The following DRAM2 variants were observed in gnomAD, a reference collection of about 807,000 sequenced individuals.
DRAM2 encodes the protein DNA damage regulated autophagy modulator 2.
DRAM2 carries 26 observed loss-of-function variants against 33.5 expected under a neutral mutation model. The observed-to-expected ratio is 0.78, with a 90% confidence interval of 0.57 to 1.08. The LOEUF is 1.08. Among genes scored for constraint, DRAM2 ranks in the 50% least tolerant of loss-of-function variants. The probability of loss-of-function intolerance (pLI) is 0.00; values close to 1 mark genes in which losing one functional copy is unlikely to be tolerated. For synonymous variants in DRAM2, 98 were observed against 109.5 expected, an observed-to-expected ratio of 0.89 and a Z score of 0.66; for missense variants, 311 against 318.1, an observed-to-expected ratio of 0.98 and a Z score of 0.17.
chr1:111,136,590 C>CA lies in DRAM2; in HGVS notation c.-15+932dup, dbSNP rs200650993. Among the ~76,000 whole-genome samples the CA allele has an allele frequency of 6.2e-3, 920 of 147,976 alleles. 4 individuals carry two copies. The highest frequency in any genetic ancestry group is 9.2e-3 in the Non-Finnish European group (614 of 66,756). On this transcript the variant is annotated intron_variant, in intron 3 of 9. Transcript: ENST00000484310. Reference sequence around the variant, plus strand: ...ACAGAGCAAGACTCCATCTCAAAAACAAAAAAACAAAAAAAAACAAAGAAA... The same window carrying CA: ...ACAGAGCAAGACTCCATCTCAAAAACAAAAAAAACAAAAAAAAACAAAGAAA...
At chr1:111,122,028 T>C (rs1449098749) in intron 6 of DRAM2, among the ~76,000 whole-genome samples, 2 of 152,068 alleles carry the variant, frequency 1.3e-5, no homozygotes, top group Non-Finnish European at 2.9e-5. Context: ...ATATATATAA[T>C]GGAGATATTA....
chr1:111,134,419 T>C (rs1020061520), intron 3 of DRAM2, among the ~76,000 whole-genome samples: 2 of 152,002 alleles, frequency 1.3e-5, no homozygotes, highest in South Asian at 2.1e-4. Context: ...TTATTGGTAT[T>C]TGTCATTTAC....
intron 3 of DRAM2, among the ~76,000 whole-genome samples, chr1:111,133,727 C>T (rs943983710): frequency 2.0e-5 from 3 of 152,214 alleles, no homozygotes; most frequent in African/African-American, 7.2e-5. Context: ...CAATTTGATT[C>T]TAGTGCCCAA....
intron 3 of DRAM2, among the ~76,000 whole-genome samples, chr1:111,132,757 C>T (rs1652366125): frequency 6.6e-6 from 1 of 150,570 alleles, no homozygotes; most frequent in African/African-American, 2.4e-5. Context: ...TCACAGCTAA[C>T]AGCAGCCTTG....
intron 9 of DRAM2, 26 bp from the exon 10 acceptor site, chr1:111,118,293 T>G (rs781393967): frequency 1.3e-6 from 2 of 1,532,026 alleles, no homozygotes; most frequent in South Asian, 1.1e-5. Context: ...AAATTATATA[T>G]AGAAGTTTGC....
rs1649112360 is a variant in DRAM2 at position 111,117,289 on chromosome 1, T to A, written c.*871A>T. 1 of 152,156 alleles carries A rather than the reference T, an allele frequency of 6.6e-6. No individual in the cohort carries two copies. Among genetic ancestry groups the A allele is most frequent in the Non-Finnish European group, 1.5e-5 (1 of 67,986 alleles). The allele number at this position is 152,156 out of a possible 1,614,324, so 9.4% of individuals were successfully genotyped here. Reference sequence around the variant, plus strand: ...ACCTGTTCAAGACTACTTTTACATGTAATTATAACTTGCCATAAATGAAAA... The same window carrying A: ...ACCTGTTCAAGACTACTTTTACATGAAATTATAACTTGCCATAAATGAAAA... On this transcript the variant is annotated 3_prime_UTR_variant, in exon 10 of 10. Coordinates refer to ENST00000484310, the MANE Select transcript of DRAM2 (RefSeq NM_001349884.2).
intron 4 of DRAM2, among the ~76,000 whole-genome samples, chr1:111,130,267 C>T (rs1175995230): frequency 6.6e-6 from 1 of 152,122 alleles, no homozygotes; most frequent in Non-Finnish European, 1.5e-5. Context: ...TTCTTGGTTC[C>T]AACACTGAGT....
chr1:111,121,254 C>T (rs193062741), intron 6 of DRAM2, among the ~76,000 whole-genome samples: 3 of 152,082 alleles, frequency 2.0e-5, no homozygotes, highest in South Asian at 4.1e-4. Context: ...TTAAAATATT[C>T]TCCCTTGGCT....
intron 7 of DRAM2, 96 bp downstream of exon 7, chr1:111,120,408 AAAAAAAAAAAAG>A: frequency 2.4e-6 from 1 of 422,582 alleles, no homozygotes; most frequent in Non-Finnish European, 3.5e-6. Context: ...AAAAAAAAAA[AAAAAAAAAAAAG>A]ACAAAAAGGC....
chr1:111,120,796 T>G (rs1649906707), intron 6 of DRAM2, 103 bp from the exon 7 acceptor site: 3 of 1,029,904 alleles, frequency 2.9e-6, no homozygotes, highest in Admixed American at 3.2e-5. Flanking sequence ...GGACATTCAC[T>G]GAGTAGAGAA....
intron 3 of DRAM2, among the ~76,000 whole-genome samples, chr1:111,135,564 C>G (rs1652990996): frequency 6.6e-6 from 1 of 152,184 alleles, no homozygotes; most frequent in Non-Finnish European, 1.5e-5. Flanking sequence ...AAGAGATTTT[C>G]AAATATTTTG....
intron 6 of DRAM2, among the ~76,000 whole-genome samples, chr1:111,123,499 G>A (rs529373707): frequency 4.6e-5 from 7 of 152,208 alleles, no homozygotes; most frequent in African/African-American, 1.7e-4. Context: ...CAGTTTAGCC[G>A]TAATCATCCA....
chr1:111,128,070 A>G (rs1651370290), intron 4 of DRAM2: 2 of 152,026 alleles, frequency 1.3e-5, no homozygotes, highest in Admixed American at 1.3e-4. Context: ...ATTGTCTTTG[A>G]AGTGAAATTT....
intron 4 of DRAM2, 65 bp from the exon 5 acceptor site, chr1:111,126,359 G>A: frequency 1.1e-6 from 1 of 933,392 alleles, no homozygotes; most frequent in South Asian, 1.5e-5. Flanking sequence ...TTTCTTCTAA[G>A]GGATAAGAAT....
At chr1:111,131,053 T>C (rs1651982111) in intron 4 of DRAM2, among the ~76,000 whole-genome samples, 1 of 152,142 alleles carries the variant, frequency 6.6e-6, no homozygotes, top group African/African-American at 2.4e-5. Context: ...GTAAGCATAT[T>C]AAGACATGTT....
At chr1:111,122,450 T>A (rs1339937526) in intron 6 of DRAM2, among the ~76,000 whole-genome samples, 1 of 152,094 alleles carries the variant, frequency 6.6e-6, no homozygotes, top group Non-Finnish European at 1.5e-5. Context: ...AACCATTAAG[T>A]CCTGACTCCA....
At chr1:111,129,815 A>G (rs1157732058) in intron 4 of DRAM2, among the ~76,000 whole-genome samples, 1 of 152,172 alleles carries the variant, frequency 6.6e-6, no homozygotes, top group Non-Finnish European at 1.5e-5. Flanking sequence ...AAAATAAAAA[A>G]CCCAAAAAAG....
intron 4 of DRAM2, among the ~76,000 whole-genome samples, chr1:111,129,085 C>A (rs10494126): frequency 0.17 from 25,476 of 152,106 alleles, 2,556 homozygotes; most frequent in South Asian, 0.32. Context: ...CCACGCCATA[C>A]CACTGTGGAA....
intron 3 of DRAM2, among the ~76,000 whole-genome samples, chr1:111,132,227 G>A (rs988177818): frequency 2.0e-5 from 3 of 152,170 alleles, no homozygotes; most frequent in Non-Finnish European, 2.9e-5. Context: ...TGGGTTCAGA[G>A]AGCTTCTAGA....
Sources: allele counts gnomAD v4.1 joint callset (sites outside exome capture counted in the v4.1 genomes callset), GRCh38; gene constraint gnomAD v4.1.1; transcripts MANE v1.5; gene names NCBI Gene and HGNC (gene_info 2026-07-23, HGNC 2026-07-21).